NFATC1: variants seen among roughly 807,000 people sequenced by gnomAD.
NFATC1 encodes the protein nuclear factor of activated T cells 1, also known as nuclear factor of activated T-cells, cytoplasmic 1.
A neutral mutation model predicts 76.0 loss-of-function variants in NFATC1; 22 were observed. That is an observed-to-expected ratio of 0.29 (90% confidence interval 0.21 to 0.41). The LOEUF (loss-of-function observed/expected upper bound fraction) is 0.41, where lower values mean the gene tolerates loss of function less well. NFATC1 is among the 10% of genes least tolerant of loss of function. The pLI is 1.00. For missense variants in NFATC1, 1,357 were observed against 1,337.7 expected (o/e 1.01, Z -0.23); for synonymous variants, 704 against 613.1 (o/e 1.15, Z -2.19).
intron 3 of NFATC1, among the ~76,000 whole-genome samples, chr18:79,441,702 G>A (rs968136304): frequency 7.9e-5 from 12 of 152,086 alleles, no homozygotes; most frequent in Non-Finnish European, 1.6e-4. Context: ...TCAGTGGCAC[G>A]GATGTCTCTA....
intron 9 of NFATC1, among the ~76,000 whole-genome samples, chr18:79,526,078 C>A (rs113934215): frequency 1.3e-5 from 2 of 152,222 alleles, no homozygotes; most frequent in Non-Finnish European, 2.9e-5. Flanking sequence ...AGAACAGAGC[C>A]GTCTTTCTCT....
intron 3 of NFATC1, among the ~76,000 whole-genome samples, chr18:79,441,759 G>T (rs1310673266): frequency 6.6e-6 from 1 of 152,148 alleles, no homozygotes; most frequent in African/African-American, 2.4e-5. Flanking sequence ...TGGATTCTGT[G>T]TGCTTCTGGC....
intron 9 of NFATC1, among the ~76,000 whole-genome samples, chr18:79,509,234 G>C (rs985438678): frequency 2.0e-5 from 3 of 152,216 alleles, no homozygotes; most frequent in African/African-American, 7.2e-5. Flanking sequence ...TTCTGCACCT[G>C]TCTCTAGCTG....
At chr18:79,510,020 T>C (rs2090205843) in intron 9 of NFATC1, among the ~76,000 whole-genome samples, 1 of 152,276 alleles carries the variant, frequency 6.6e-6, no homozygotes, top group Non-Finnish European at 1.5e-5. Flanking sequence ...CGAAAGAGCC[T>C]GTGTCTCCAC....
chr18:79,469,277 G>A (rs2088676464), intron 8 of NFATC1: 1 of 969,232 alleles, frequency 1.0e-6, no homozygotes, highest in Middle Eastern at 5.3e-4. Context: ...TATAGAGAAG[G>A]ATTGCTTTCC....
Position 79,462,072 on chromosome 18 carries a change from C to T in NFATC1, c.1959+706C>T, listed in dbSNP as rs1162251829. 3.3e-5 allele frequency among the ~76,000 whole-genome samples: 5 copies of T among 152,174 alleles called. 1 individual carries two copies. Among genetic ancestry groups the T allele is most frequent in the African/African-American group, 4.8e-5 (2 of 41,446 alleles). On this transcript the variant is annotated intron_variant, in intron 7 of 9. Coordinates refer to ENST00000427363, the MANE Select transcript of NFATC1 (RefSeq NM_001278669.2). ...ACCTGCCACAGCTTCCCTGGCACCG[C>T]GTGCATACAGCCGGTGCCTGAGGAT...
intron 4 of NFATC1, 94 bp downstream of exon 4, chr18:79,449,078 C>T (rs1600743911): frequency 7.9e-7 from 1 of 1,267,530 alleles, no homozygotes; most frequent in East Asian, 2.5e-5. Flanking sequence ...GCCCCCCGCA[C>T]TTCCAGGCTG....
At chr18:79,492,435 T>C (rs2089707373) in intron 9 of NFATC1, among the ~76,000 whole-genome samples, 1 of 152,070 alleles carries the variant, frequency 6.6e-6, no homozygotes, top group South Asian at 2.1e-4. Context: ...TGGGGCTGGG[T>C]GCAGTGGCTC....
chr18:79,427,850 G>A (rs957088125), intron 2 of NFATC1, among the ~76,000 whole-genome samples: 1 of 147,014 alleles, frequency 6.8e-6, no homozygotes, highest in African/African-American at 2.5e-5. Flanking sequence ...TCTGTGGGGT[G>A]GGTGTAGGGG....
At chr18:79,429,876 C>G (rs1206823160) in intron 2 of NFATC1, among the ~76,000 whole-genome samples, 1 of 152,250 alleles carries the variant, frequency 6.6e-6, no homozygotes, top group African/African-American at 2.4e-5. Flanking sequence ...CAACGGCGGA[C>G]TTCACCTATG....
intron 9 of NFATC1, among the ~76,000 whole-genome samples, chr18:79,495,205 T>C (rs1279011090): frequency 1.3e-5 from 2 of 152,222 alleles, no homozygotes; most frequent in Non-Finnish European, 2.9e-5. Context: ...GAGGCCACAG[T>C]GCCTCCGTCC....
intron 2 of NFATC1, among the ~76,000 whole-genome samples, chr18:79,424,639 CTG>C (rs1320692261): frequency 6.6e-6 from 1 of 151,688 alleles, no homozygotes; most frequent in African/African-American, 2.4e-5. Flanking sequence ...GTCTGTCTCT[CTG>C]TCTCTCTTTC....
Position 79,486,431 on chromosome 18 carries a change from C to G in NFATC1, c.2276C>G (p.Pro759Arg). 1.2e-6 allele frequency: 2 copies of G among 1,612,428 alleles called. No individual in the cohort carries two copies. Among genetic ancestry groups the G allele is most frequent in the Non-Finnish European group, 1.7e-6 (2 of 1,179,874 alleles). Reference protein sequence around the residue: ...PPCPQRSTLMPAAPGVSPKLH... With the variant: ...PPCPQRSTLMRAAPGVSPKLH... ...TGTCCGCAGAGAAGCACCCTGATGC[C>G]AGCGGCCCCTGGCGTGAGCCCCAAG... The change falls in exon 9 of 10, where the codon CCA becomes CGA. Residue 759 changes from proline (P) to arginine (R), a missense_variant. Physicochemically the swap from Pro to Arg is moderately radical, Grantham distance 103. Coordinates refer to ENST00000427363, the MANE Select transcript of NFATC1 (RefSeq NM_001278669.2).
At chr18:79,424,412 A>C (rs532091484) in intron 2 of NFATC1, among the ~76,000 whole-genome samples, 1 of 152,350 alleles carries the variant, frequency 6.6e-6, no homozygotes, top group East Asian at 1.9e-4. Context: ...AGCTCCAGAC[A>C]CACAAGCCCA....
intron 9 of NFATC1, among the ~76,000 whole-genome samples, chr18:79,491,970 A>G (rs2089692314): frequency 6.6e-6 from 1 of 152,258 alleles, no homozygotes; most frequent in Non-Finnish European, 1.5e-5. Flanking sequence ...AGCCAGAGAC[A>G]GCCCGGGGCT....
In NFATC1 at chr18:79,425,289, CTT is replaced by C. The variant is rs754268256; in HGVS notation, c.1227-8288_1227-8287del. Reference sequence around the variant, plus strand: ...TCTGTCTCTCTCTCTGTCTGTCTTTCTTTCTTACTCTCTTTCTCTTTTAACTA... The same window carrying C: ...TCTGTCTCTCTCTCTGTCTGTCTTTCTCTTACTCTCTTTCTCTTTTAACTA... On this transcript the variant is annotated intron_variant, in intron 2 of 9. Coordinates refer to ENST00000427363, the MANE Select transcript of NFATC1 (RefSeq NM_001278669.2). 3.7e-4 allele frequency among the ~76,000 whole-genome samples: 45 copies of C among 120,788 alleles called. 4 individuals carry two copies. Among genetic ancestry groups the C allele is most frequent in the African/African-American group, 5.2e-4 (13 of 25,058 alleles). 79.2% of individuals were successfully genotyped at this position (120,788 alleles called of 152,430 possible).
chr18:79,409,645 C>T (rs138787655), intron 1 of NFATC1, among the ~76,000 whole-genome samples: 6 of 152,226 alleles, frequency 3.9e-5, no homozygotes, highest in Admixed American at 1.3e-4. Flanking sequence ...CTTCACCCCC[C>T]GTCCATCATG....
intron 1 of NFATC1, 101 bp downstream of exon 1, chr18:79,396,452 C>G: frequency 1.4e-6 from 1 of 724,828 alleles, no homozygotes. Context: ...GGGGTCCGGG[C>G]CAGAGAACGA....
chr18:79,514,353 T>A (rs2090328243), intron 9 of NFATC1, among the ~76,000 whole-genome samples: 1 of 151,710 alleles, frequency 6.6e-6, no homozygotes, highest in African/African-American at 2.4e-5. Context: ...CGTGGGAAGA[T>A]CACACGAGCC....
Sources: allele counts gnomAD v4.1 joint callset (sites outside exome capture counted in the v4.1 genomes callset), GRCh38; gene constraint gnomAD v4.1.1; transcripts MANE v1.5; gene names NCBI Gene and HGNC (gene_info 2026-07-23, HGNC 2026-07-21).